The following CCDC7 variants were observed in gnomAD, a reference collection of about 807,000 sequenced individuals.
The protein encoded by CCDC7 is coiled-coil domain-containing protein 7.
Under a neutral mutation model 196.9 loss-of-function variants are expected in CCDC7, and 183 were observed. The observed-to-expected ratio is 0.93, with a 90% CI of 0.82 to 1.05. The LOEUF (loss-of-function observed/expected upper bound fraction) is 1.05. Among genes scored for constraint, CCDC7 ranks in the 50% least tolerant of loss-of-function variants. The pLI is 0.00. For missense variants in CCDC7, 1,540 were observed against 1,482.2 expected (o/e 1.04, Z -0.64); for synonymous variants, 525 against 484.6 (o/e 1.08, Z -1.10).
In CCDC7 at chr10:32,864,831, A is replaced by T. The variant is rs144613807; in HGVS notation, c.4111+10342A>T. 2.6e-3 allele frequency among the ~76,000 whole-genome samples: 392 copies of T among 152,052 alleles called. 5 individuals carry two copies. The highest frequency in any genetic ancestry group is 5.3e-3 in the Admixed American group (80 of 15,222). On this transcript the variant is annotated intron_variant, in intron 41 of 41. Coordinates refer to ENST00000639629, the Ensembl canonical transcript of CCDC7. ...ATGTCAATGGGAAAAGAGGTAAAAA[A>T]TGATATCAAAAGAGAAGTAAAGAAG...
At chr10:32,523,124 A>G (rs766261681) in intron 11 of CCDC7, among the ~76,000 whole-genome samples, 7 of 152,342 alleles carry the variant, frequency 4.6e-5, no homozygotes, top group South Asian at 4.1e-4. Context: ...GCAGAGAAAA[A>G]TATGTATTCT....
At chr10:32,798,494 C>T (rs2084090314) in intron 29 of CCDC7, among the ~76,000 whole-genome samples, 1 of 152,216 alleles carries the variant, frequency 6.6e-6, no homozygotes. Flanking sequence ...TTAAAGTCCT[C>T]CTCTGCTGAG....
chr10:32,830,435 GA>G (rs2092044408), intron 32 of CCDC7, among the ~76,000 whole-genome samples: 2 of 151,352 alleles, frequency 1.3e-5, no homozygotes, highest in Admixed American at 6.6e-5. Flanking sequence ...AAAAGCAACA[GA>G]AACTTTTTAT....
chr10:32,547,104 A>G (rs1011653908), intron 13 of CCDC7, among the ~76,000 whole-genome samples: 2 of 152,078 alleles, frequency 1.3e-5, no homozygotes, highest in South Asian at 2.1e-4. Flanking sequence ...CTACAGCCTG[A>G]ACTCCTGGGC....
At chr10:32,646,743 C>T (rs1348903169) in intron 20 of CCDC7, among the ~76,000 whole-genome samples, 1 of 152,156 alleles carries the variant, frequency 6.6e-6, no homozygotes, top group African/African-American at 2.4e-5. Context: ...CCACCTTCCA[C>T]CTCTAGTAGG....
intron 29 of CCDC7, among the ~76,000 whole-genome samples, chr10:32,785,328 A>C (rs1479281770): frequency 6.6e-6 from 1 of 152,220 alleles, no homozygotes; most frequent in African/African-American, 2.4e-5. Context: ...AATGATAAAA[A>C]AGATAAAAAT....
chr10:32,761,015 A>G (rs1164724844), intron 28 of CCDC7, among the ~76,000 whole-genome samples: 2 of 152,008 alleles, frequency 1.3e-5, no homozygotes, highest in Admixed American at 6.6e-5. Context: ...GCAATATATT[A>G]ATAATGTAAC....
chr10:32,712,906 T>G (rs2081049742), intron 25 of CCDC7, among the ~76,000 whole-genome samples: 1 of 152,090 alleles, frequency 6.6e-6, no homozygotes, highest in Non-Finnish European at 1.5e-5. Context: ...AATACAGAAA[T>G]AGTGTACAGA....
intron 9 of CCDC7, among the ~76,000 whole-genome samples, chr10:32,515,265 G>A (rs896721668): frequency 3.3e-5 from 5 of 152,146 alleles, no homozygotes; most frequent in Non-Finnish European, 7.4e-5. Context: ...AGCTAGAATA[G>A]CCAAAGCAAT....
At chr10:32,725,672 T>C (rs1000364374) in intron 25 of CCDC7, among the ~76,000 whole-genome samples, 1 of 152,062 alleles carries the variant, frequency 6.6e-6, no homozygotes, top group Non-Finnish European at 1.5e-5. Flanking sequence ...TTTTTAGCTA[T>C]GGTGGAAGGG....
At chr10:32,488,326 C>G (rs1456886445) in intron 8 of CCDC7, among the ~76,000 whole-genome samples, 2 of 152,208 alleles carry the variant, frequency 1.3e-5, no homozygotes, top group Non-Finnish European at 2.9e-5. Context: ...TTGCTAAGAC[C>G]ATTGGAAAAG....
chr10:32,874,221 A>G (rs2094525922), intron 41 of CCDC7, among the ~76,000 whole-genome samples: 1 of 149,664 alleles, frequency 6.7e-6, no homozygotes, highest in Non-Finnish European at 1.5e-5. Flanking sequence ...ATAATTTAAT[A>G]TAAAATGTAT....
At chr10:32,583,438 AAC>A in intron 17 of CCDC7, 131 bp downstream of exon 18, 2 of 497,604 alleles carry the variant, frequency 4.0e-6, no homozygotes, top group Non-Finnish European at 6.3e-6. Context: ...TTTGCCTTTT[AAC>A]ACAACCCACT....
intron 16 of CCDC7, among the ~76,000 whole-genome samples, chr10:32,581,216 G>C (rs1483441875): frequency 6.6e-6 from 1 of 152,110 alleles, no homozygotes; most frequent in Non-Finnish European, 1.5e-5. Context: ...GTAGTATTTA[G>C]ACATGGAGTG....
intron 25 of CCDC7, among the ~76,000 whole-genome samples, chr10:32,717,198 A>C (rs1203605572): frequency 6.6e-6 from 1 of 152,254 alleles, no homozygotes; most frequent in Non-Finnish European, 1.5e-5. Context: ...ACCACAGTGC[A>C]ATCAAAGTAA....
chr10:32,523,703 A>G (rs11008959), intron 11 of CCDC7, among the ~76,000 whole-genome samples: 52,144 of 151,604 alleles, frequency 0.34, 11,321 homozygotes, highest in Non-Finnish European at 0.49. Context: ...CTCTTGCTGA[A>G]TTGACCTCTT....
chr10:32,687,082 A>C (rs1392913601), intron 22 of CCDC7, among the ~76,000 whole-genome samples: 3 of 152,312 alleles, frequency 2.0e-5, no homozygotes, highest in East Asian at 3.9e-4. Context: ...AATTACCTTT[A>C]TGGACAGTCA....
At chr10:32,852,627 A>G (rs1000878846) in intron 40 of CCDC7, among the ~76,000 whole-genome samples, 1 of 152,154 alleles carries the variant, frequency 6.6e-6, no homozygotes, top group Non-Finnish European at 1.5e-5. Context: ...AAAAATGTAA[A>G]TCATTTTTCT....
rs182119234 is a variant in CCDC7, at chr10:32,550,691, G to A, written c.1134+6390G>A. Among the ~76,000 whole-genome samples, 1,073 of 152,196 alleles carry A rather than the reference G, an allele frequency of 7.1e-3. 13 individuals are homozygous for A. The highest frequency in any genetic ancestry group is 0.025 in the African/African-American group (1,024 of 41,538). On this transcript the variant is annotated intron_variant, in intron 13 of 41. Transcript: ENST00000639629. ...TTGTTTTTAATTCTTTTTATGTTGT[G>A]TATCACATTTATTGACTTGGGTATA...
Sources: gnomAD v4.1 joint callset for allele counts (sites outside exome capture counted in the v4.1 genomes callset) on GRCh38, gnomAD v4.1.1 for gene constraint, MANE v1.5 for transcripts, NCBI Gene and HGNC (gene_info 2026-07-23, HGNC 2026-07-21) for gene names.